The following HDAC9 variants were observed in gnomAD, a reference collection of about 807,000 sequenced individuals.
HDAC9 encodes the protein MEF-2 interacting transcription repressor (MITR) protein.
Under a neutral mutation model 139.4 loss-of-function variants are expected in HDAC9, and 41 were observed. The observed-to-expected ratio is 0.29, with a 90% CI of 0.23 to 0.38. HDAC9 has a LOEUF of 0.38. Ranked by LOEUF, HDAC9 falls within the 10% of genes least tolerant of loss-of-function variation. The probability of loss-of-function intolerance (pLI) is 1.00; values close to 1 mark genes in which losing one functional copy is unlikely to be tolerated. For synonymous variants in HDAC9, 517 were observed against 476.2 expected (o/e 1.09, Z -1.12); for missense variants, 1,147 against 1,297.0 (o/e 0.88, Z 1.78).
intron 2 of HDAC9, among the ~76,000 whole-genome samples, chr7:18,555,891 G>C (rs544759751): frequency 6.6e-6 from 1 of 152,142 alleles, no homozygotes; most frequent in East Asian, 1.9e-4. Context: ...TAGTTGTATT[G>C]TAGTATTCAG....
intron 11 of HDAC9, among the ~76,000 whole-genome samples, chr7:18,664,144 A>G (rs753254605): frequency 3.9e-5 from 6 of 152,168 alleles, no homozygotes; most frequent in Non-Finnish European, 8.8e-5. Context: ...AGTACTATGT[A>G]TTAAAGAAAA....
intron 1 of HDAC9, among the ~76,000 whole-genome samples, chr7:18,396,906 CTTGT>C (rs1041123414): frequency 2.1e-4 from 32 of 151,530 alleles, no homozygotes; most frequent in Non-Finnish European, 4.3e-4. Context: ...TTTTGGTTTA[CTTGT>C]TTGTTTGTTC....
intron 1 of HDAC9, among the ~76,000 whole-genome samples, chr7:18,113,503 T>A (rs1320347114): frequency 6.6e-6 from 1 of 152,246 alleles, no homozygotes; most frequent in Non-Finnish European, 1.5e-5. Flanking sequence ...GGATATAATT[T>A]GAGGTTGACT....
intron 21 of HDAC9, among the ~76,000 whole-genome samples, chr7:18,843,445 T>G (rs1164740940): frequency 1.3e-5 from 2 of 152,076 alleles, no homozygotes; most frequent in African/African-American, 4.8e-5. Context: ...GGAATTGTCG[T>G]GTAGTTAATG....
chr7:18,677,184 C>G (rs1003691824), intron 12 of HDAC9, among the ~76,000 whole-genome samples: 2 of 151,790 alleles, frequency 1.3e-5, no homozygotes, highest in African/African-American at 4.8e-5. Flanking sequence ...TATTCTGACA[C>G]TATATATTAG....
At chr7:18,844,903 A>C (rs1022682829) in intron 21 of HDAC9, among the ~76,000 whole-genome samples, 1 of 152,082 alleles carries the variant, frequency 6.6e-6, no homozygotes, top group African/African-American at 2.4e-5. Context: ...AGATTCTTTT[A>C]TGTTTCAGTA....
At position 18,998,875 on chromosome 7, in the gene HDAC9, C is replaced by T. The variant is rs1419852944; in HGVS notation, c.*2813C>T. The T allele has an allele frequency of 1.3e-5, 2 of 152,046 alleles. No homozygotes were observed. The highest frequency in any genetic ancestry group is 3.9e-4 in the East Asian group (2 of 5,190). 9.4% of individuals were successfully genotyped at this position (152,046 alleles called of 1,614,324 possible). The stretch of plus-strand genomic sequence containing the variant: ...TAATACTAGGAATTTAATAAGCTGT[C>T]AAACGTAGGTATAAAAAGAAGGCTT... On this transcript the variant is annotated 3_prime_UTR_variant, in exon 26 of 26. Transcript: ENST00000686413.
chr7:18,837,329 A>C (rs1194064266), intron 21 of HDAC9, among the ~76,000 whole-genome samples: 1 of 152,032 alleles, frequency 6.6e-6, no homozygotes, highest in East Asian at 1.9e-4. Flanking sequence ...AAAATAAAAA[A>C]TTATGTTAAA....
chr7:18,685,810 A>T (rs1157459589), intron 12 of HDAC9, among the ~76,000 whole-genome samples: 3 of 152,036 alleles, frequency 2.0e-5, no homozygotes, highest in Admixed American at 6.6e-5. Context: ...CATAAAATAT[A>T]TGCAGAAATA....
At chr7:18,688,610 C>A (rs1032762290) in intron 12 of HDAC9, among the ~76,000 whole-genome samples, 1 of 151,952 alleles carries the variant, frequency 6.6e-6, no homozygotes, top group Non-Finnish European at 1.5e-5. Context: ...TTCCTGTTTA[C>A]TTCTTTGTAA....
chr7:18,433,196 C>T (rs1480084933), intron 1 of HDAC9, among the ~76,000 whole-genome samples: 1 of 152,154 alleles, frequency 6.6e-6, no homozygotes, highest in African/African-American at 2.4e-5. Flanking sequence ...ATTCAACATT[C>T]TTTCATATTA....
chr7:18,425,770 G>A (rs1344631102), intron 1 of HDAC9, among the ~76,000 whole-genome samples: 2 of 152,076 alleles, frequency 1.3e-5, no homozygotes, highest in African/African-American at 4.8e-5. Flanking sequence ...GCAAGGTTTG[G>A]GCCCTTTCTA....
At chr7:18,416,211 G>T (rs1041306909) in intron 1 of HDAC9, among the ~76,000 whole-genome samples, 2 of 151,858 alleles carry the variant, frequency 1.3e-5, no homozygotes, top group African/African-American at 2.4e-5. Context: ...CAGGAAAATC[G>T]CTTGAACCCG....
intron 22 of HDAC9, among the ~76,000 whole-genome samples, chr7:18,902,818 T>C (rs1314212345): frequency 6.6e-6 from 1 of 152,206 alleles, no homozygotes; most frequent in Non-Finnish European, 1.5e-5. Flanking sequence ...TCACACTATT[T>C]ATAAGTGAAA....
At chr7:18,366,891 A>G (rs1784223529) in intron 1 of HDAC9, among the ~76,000 whole-genome samples, 1 of 134,720 alleles carries the variant, frequency 7.4e-6, no homozygotes, top group Non-Finnish European at 1.6e-5. Context: ...TAATCAGTTT[A>G]GTAAGAAAAA....
intron 2 of HDAC9, among the ~76,000 whole-genome samples, chr7:18,518,740 C>G (rs539064827): frequency 6.6e-6 from 1 of 152,268 alleles, no homozygotes; most frequent in Non-Finnish European, 1.5e-5. Context: ...ACGGAAAGGC[C>G]AGTAATAGCC....
At chr7:18,940,487 T>A (rs925698270) in intron 23 of HDAC9, among the ~76,000 whole-genome samples, 1 of 152,156 alleles carries the variant, frequency 6.6e-6, no homozygotes, top group African/African-American at 2.4e-5. Context: ...AATCAGTGCA[T>A]GATGAATATT....
At chr7:18,219,304 A>G (rs1792522815) in intron 2 of HDAC9, among the ~76,000 whole-genome samples, 1 of 152,112 alleles carries the variant, frequency 6.6e-6, no homozygotes, top group South Asian at 2.1e-4. Context: ...ATTTCACTGG[A>G]TGTTTTCATT....
chr7:18,262,794 C>G (rs767084518), intron 2 of HDAC9, among the ~76,000 whole-genome samples: 11 of 152,030 alleles, frequency 7.2e-5, no homozygotes, highest in Non-Finnish European at 1.5e-4. Context: ...GGTATTAATT[C>G]TACCTACATT....
Sources: allele counts gnomAD v4.1 joint callset (sites outside exome capture counted in the v4.1 genomes callset), GRCh38; gene constraint gnomAD v4.1.1; transcripts MANE v1.5; gene names NCBI Gene and HGNC (gene_info 2026-07-23, HGNC 2026-07-21).